Variants in CRYL1 observed in about 807,000 individuals in gnomAD.
CRYL1 encodes the protein lambda-crystallin homolog.
A neutral mutation model predicts 36.6 loss-of-function variants in CRYL1; 29 were observed. That is an observed-to-expected ratio of 0.79 (90% CI 0.59 to 1.08). The LOEUF (loss-of-function observed/expected upper bound fraction) is 1.08, where lower values mean the gene tolerates loss of function less well. Among genes scored for constraint, CRYL1 ranks in the 50% least tolerant of loss-of-function variants. CRYL1 has a pLI of 0.00. For missense variants in CRYL1, 411 were observed against 407.9 expected (o/e 1.01, Z -0.06); for synonymous variants, 152 against 151.5 (o/e 1.00, Z -0.02).
At position 20,525,761 on chromosome 13, in the gene CRYL1, C is replaced by A. The variant is rs1302547074; in HGVS notation, c.34G>T (p.Val12Phe). The change falls in exon 1 of 8, where the codon GTT (valine) becomes TTT (phenylalanine). Residue 12 changes from valine (V) to phenylalanine (F), a missense_variant. By Grantham distance (50) the Val-to-Phe change is conservative (BLOSUM62 -1). Transcript: ENST00000298248. The surrounding 1 kb of genome is among the most constrained non-coding windows in gnomAD (Gnocchi z 4.3). ...ASSAAGCVVI[V>F]GSGVIGRSWA... ...CGGCTCGGAGCCCTTTACCTGCCAACGATCACCACGCAGCCGGCCGCGGAG... is the reference window on the plus strand; with the variant it reads ...CGGCTCGGAGCCCTTTACCTGCCAAAGATCACCACGCAGCCGGCCGCGGAG... 7.6e-7 allele frequency: 1 copy of A among 1,322,390 alleles called. No individual in the cohort carries two copies. The highest frequency in any genetic ancestry group is 9.7e-7 in the Non-Finnish European group (1 of 1,033,954). The allele number at this position is 1,322,390 out of a possible 1,614,324, so 81.9% of individuals were successfully genotyped here.
chr13:20,520,673 G>C (rs923740323), intron 1 of CRYL1, among the ~76,000 whole-genome samples: 1 of 151,948 alleles, frequency 6.6e-6, no homozygotes. Context: ...ACCCCTTCAC[G>C]CCCACACACT....
At chr13:20,450,362 G>A (rs994716713) in intron 3 of CRYL1, among the ~76,000 whole-genome samples, 1 of 152,150 alleles carries the variant, frequency 6.6e-6, no homozygotes, top group African/African-American at 2.4e-5. Context: ...TTCAATAAAT[G>A]GTGCTGGGAT....
intron 6 of CRYL1, among the ~76,000 whole-genome samples, chr13:20,406,480 TATAAAAGAAGG>T (rs2031380663): frequency 6.6e-6 from 1 of 152,186 alleles, no homozygotes; most frequent in African/African-American, 2.4e-5. Context: ...GTACTCTGTT[TATAAAAGAAGG>T]GGTGTCATCT....
intron 1 of CRYL1, 73 bp from the exon 2 acceptor site, chr13:20,512,623 A>G: frequency 8.9e-7 from 1 of 1,119,122 alleles, no homozygotes; most frequent in Non-Finnish European, 1.3e-6. Flanking sequence ...ACCCAGAATG[A>G]GTTTTTTTTA....
chr13:20,456,592 C>A (rs1279203224), intron 3 of CRYL1, among the ~76,000 whole-genome samples: 1 of 149,982 alleles, frequency 6.7e-6, no homozygotes, highest in East Asian at 2.0e-4. Context: ...CTGGGCAAGA[C>A]CACGATTCTT....
chr13:20,454,314 A>G (rs2032633537), intron 3 of CRYL1, among the ~76,000 whole-genome samples: 1 of 152,074 alleles, frequency 6.6e-6, no homozygotes, highest in Non-Finnish European at 1.5e-5. Flanking sequence ...AAATCAATCA[A>G]TGTCATTCAT....
At position 20,493,022 on chromosome 13, in the gene CRYL1, C is replaced by T. The variant is rs191895949; in HGVS notation, c.150-3526G>A. On this transcript the variant is annotated intron_variant, in intron 2 of 7. Transcript: ENST00000298248. The stretch of plus-strand genomic sequence containing the variant: ...TTTAGGGGATCCAAGTTCTCTTTTT[C>T]GCCAATGATGTAGCTGTTAGAGAAC... Among the ~76,000 whole-genome samples, 922 of 152,294 alleles carry T rather than the reference C, an allele frequency of 6.1e-3. 5 individuals are homozygous for T. Among genetic ancestry groups the T allele is most frequent in the Non-Finnish European group, 9.0e-3 (611 of 68,024 alleles).
At chr13:20,484,990 G>A (rs1442341614) in intron 3 of CRYL1, among the ~76,000 whole-genome samples, 2 of 152,162 alleles carry the variant, frequency 1.3e-5, no homozygotes, top group South Asian at 2.1e-4. Context: ...TGGTAAACCT[G>A]AGACACTAAT....
chr13:20,481,899 G>A lies in CRYL1; in HGVS notation c.276+7471C>T, dbSNP rs2033286527. Among the ~76,000 whole-genome samples the A allele has an allele frequency of 6.6e-6, 1 of 152,052 alleles. No homozygotes were observed. Among genetic ancestry groups the A allele is most frequent in the East Asian group, 1.9e-4 (1 of 5,186 alleles). ...GCACTCCAGCCTGGGTGACAAAGGT[G>A]CGACTCCATCTCGAAAGGAAAAAGA... On this transcript the variant is annotated intron_variant, in intron 3 of 7. Transcript: ENST00000298248. The surrounding 1 kb of genome is among the most constrained non-coding windows in gnomAD (Gnocchi z 4.1).
chr13:20,484,959 G>T (rs989937063), intron 3 of CRYL1, among the ~76,000 whole-genome samples: 16 of 152,086 alleles, frequency 1.1e-4, no homozygotes, highest in Non-Finnish European at 8.8e-5. Flanking sequence ...TCACTCTGGG[G>T]GTTTCATTTA....
At chr13:20,504,302 C>CTTTTTTTTTTTTTTTTTTTTTTTTT (rs757657892) in intron 2 of CRYL1, among the ~76,000 whole-genome samples, 2 of 128,490 alleles carry the variant, frequency 1.6e-5, no homozygotes, top group East Asian at 2.2e-4. Context: ...CTTTTCTTTT[C>CTTTTTTTTTTTTTTTTTTTTTTTTT]TTTTTTTTTT....
intron 3 of CRYL1, among the ~76,000 whole-genome samples, chr13:20,464,414 C>A (rs2032891820): frequency 6.6e-6 from 1 of 152,014 alleles, no homozygotes; most frequent in African/African-American, 2.4e-5. Flanking sequence ...AAATACAATA[C>A]AATAAAATAA....
At chr13:20,482,099 A>T (rs2033290490) in intron 3 of CRYL1, among the ~76,000 whole-genome samples, 1 of 152,072 alleles carries the variant, frequency 6.6e-6, no homozygotes, top group Admixed American at 6.5e-5. Flanking sequence ...AAGTCCAACA[A>T]TCCTTTAAGA....
intron 3 of CRYL1, among the ~76,000 whole-genome samples, chr13:20,467,987 T>C (rs1255402175): frequency 3.3e-5 from 5 of 152,094 alleles, no homozygotes; most frequent in Non-Finnish European, 1.5e-5. Context: ...GGGATCTAGG[T>C]TGTGCTCTCC....
chr13:20,514,920 C>T (rs1205050611), intron 1 of CRYL1, among the ~76,000 whole-genome samples: 1 of 151,176 alleles, frequency 6.6e-6, no homozygotes, highest in African/African-American at 2.4e-5. Flanking sequence ...CACAAAAAAA[C>T]TTGTACACCA....
At chr13:20,469,100 A>G (rs2033002615) in intron 3 of CRYL1, among the ~76,000 whole-genome samples, 1 of 152,226 alleles carries the variant, frequency 6.6e-6, no homozygotes, top group South Asian at 2.1e-4. Flanking sequence ...TACCATAGAT[A>G]CGACCAACAA....
At chr13:20,504,778 A>G (rs550779751) in intron 2 of CRYL1, among the ~76,000 whole-genome samples, 1 of 152,352 alleles carries the variant, frequency 6.6e-6, no homozygotes, top group East Asian at 1.9e-4. Context: ...CCACCCTGTT[A>G]GAAAAAGATT....
At chr13:20,520,791 C>A (rs984344450) in intron 1 of CRYL1, among the ~76,000 whole-genome samples, 2 of 152,154 alleles carry the variant, frequency 1.3e-5, no homozygotes, top group South Asian at 4.1e-4. Context: ...AGAGGTGAAA[C>A]CACTGGGTTT....
chr13:20,412,046 A>T (rs111487904), intron 6 of CRYL1, among the ~76,000 whole-genome samples: 2 of 152,108 alleles, frequency 1.3e-5, no homozygotes, highest in Non-Finnish European at 2.9e-5. Flanking sequence ...GAGGTCACCA[A>T]CTCTCAACCT....
Sources: allele counts gnomAD v4.1 joint callset (sites outside exome capture counted in the v4.1 genomes callset), GRCh38; gene constraint gnomAD v4.1.1; non-coding constraint Gnocchi (gnomAD v3.1); transcripts MANE v1.5; gene names NCBI Gene and HGNC (gene_info 2026-07-23, HGNC 2026-07-21).